DISP1: variants seen among roughly 807,000 people sequenced by gnomAD.
DISP1 encodes the protein protein dispatched homolog 1.
Under a neutral mutation model 37.3 loss-of-function variants are expected in DISP1, and 30 were observed. That is an observed-to-expected ratio of 0.80 (90% CI 0.60 to 1.09). The LOEUF (loss-of-function observed/expected upper bound fraction) is 1.09. Ranked by LOEUF, DISP1 falls within the 50% of genes least tolerant of loss-of-function variation. The pLI is 0.00. For synonymous variants in DISP1, 634 were observed against 690.2 expected (o/e 0.92, Z 1.28); for missense variants, 1,598 against 1,879.5 (o/e 0.85, Z 2.77).
chr1:222,826,951 C>T (rs1426210330), intron 1 of DISP1, among the ~76,000 whole-genome samples: 1 of 152,106 alleles, frequency 6.6e-6, no homozygotes, highest in East Asian at 1.9e-4. Flanking sequence ...TATAACATTC[C>T]CCCATGTTAT....
chr1:222,897,321 G>T (rs1671320780), intron 1 of DISP1, among the ~76,000 whole-genome samples: 1 of 152,098 alleles, frequency 6.6e-6, no homozygotes, highest in Admixed American at 6.5e-5. Flanking sequence ...GATATAGTGG[G>T]GTGATTAACT....
At chr1:222,936,933 ATATATAT>A (rs1268691900) in intron 2 of DISP1, among the ~76,000 whole-genome samples, 1 of 80,082 alleles carries the variant, frequency 1.2e-5, no homozygotes, top group Non-Finnish European at 2.4e-5. Flanking sequence ...ATAATATGTA[ATATATAT>A]TATATATTAC....
intron 1 of DISP1, among the ~76,000 whole-genome samples, chr1:222,841,012 G>A (rs1367577677): frequency 6.6e-6 from 1 of 151,982 alleles, no homozygotes; most frequent in African/African-American, 2.4e-5. Context: ...GATTAATCTT[G>A]GACACAGATT....
rs143218453 is a variant in DISP1 at position 222,943,006 on chromosome 1, G to A, written c.183G>A (p.Thr61=). ...ATGGATGCCTGCAACTTAATGGCACGGTCAAATCATCCTTTCTGCCTTTAG... is the reference window on the plus strand; with the variant it reads ...ATGGATGCCTGCAACTTAATGGCACAGTCAAATCATCCTTTCTGCCTTTAG... ...SPNGCLQLNG[T]VKSSFLPLDN... The change falls in exon 3 of 9, where the codon ACG becomes ACA. Residue 61 remains threonine, a synonymous_variant. Coordinates refer to ENST00000675850, the MANE Select transcript of DISP1 (RefSeq NM_001377229.1). 46 of 1,614,000 alleles carry A rather than the reference G, an allele frequency of 2.9e-5. No individual in the cohort carries two copies. Among genetic ancestry groups the A allele is most frequent in the African/African-American group, 2.1e-4 (16 of 74,880 alleles).
chr1:222,833,299 A>G (rs1196241130), intron 1 of DISP1, among the ~76,000 whole-genome samples: 1 of 152,198 alleles, frequency 6.6e-6, no homozygotes, highest in Non-Finnish European at 1.5e-5. Flanking sequence ...TAGTGTAGCA[A>G]AAGTGTGGGT....
At chr1:222,905,485 G>A (rs1204106495) in intron 1 of DISP1, among the ~76,000 whole-genome samples, 1 of 152,154 alleles carries the variant, frequency 6.6e-6, no homozygotes, top group Non-Finnish European at 1.5e-5. Flanking sequence ...CATCACTGTA[G>A]TTGTCTTCTT....
rs61838466 is a variant in DISP1, at chr1:223,001,132, G to C, written c.988-1253G>C. Among the ~76,000 whole-genome samples the C allele has an allele frequency of 4.1e-3, 625 of 152,184 alleles. 6 individuals carry two copies. Among genetic ancestry groups the C allele is most frequent in the South Asian group, 0.011 (52 of 4,816 alleles). On this transcript the variant is annotated intron_variant, in intron 8 of 8. Coordinates refer to ENST00000675850, the MANE Select transcript of DISP1 (RefSeq NM_001377229.1). ...ACTTTAATCTAGCAAACCAGTGATG[G>C]AACAATTTTTCAATTTTTTATAACA...
intron 1 of DISP1, among the ~76,000 whole-genome samples, chr1:222,909,213 T>A (rs547866960): frequency 6.6e-6 from 1 of 152,290 alleles, no homozygotes; most frequent in Admixed American, 6.5e-5. Flanking sequence ...AATTCTATAA[T>A]TCAATAATGT....
intron 1 of DISP1, among the ~76,000 whole-genome samples, chr1:222,866,088 C>T (rs1669171065): frequency 6.6e-6 from 1 of 152,018 alleles, no homozygotes; most frequent in Non-Finnish European, 1.5e-5. Flanking sequence ...GTTCTCCCTG[C>T]TTACTCTTTT....
intron 1 of DISP1, among the ~76,000 whole-genome samples, chr1:222,867,886 A>T (rs1233752443): frequency 6.6e-6 from 1 of 151,964 alleles, no homozygotes; most frequent in Non-Finnish European, 1.5e-5. Flanking sequence ...GCTTTTCTCT[A>T]CTCCCTAATG....
chr1:222,966,115 A>ACAC (rs1447763038), intron 3 of DISP1, among the ~76,000 whole-genome samples: 1 of 152,210 alleles, frequency 6.6e-6, no homozygotes, highest in Non-Finnish European at 1.5e-5. Flanking sequence ...CTGTAGTTTT[A>ACAC]CACTGTAAAT....
chr1:222,955,779 C>T (rs1675549963), intron 3 of DISP1, among the ~76,000 whole-genome samples: 2 of 152,150 alleles, frequency 1.3e-5, no homozygotes, highest in Admixed American at 1.3e-4. Context: ...GCTTATAAAA[C>T]TGGTGGATGA....
At chr1:222,950,714 A>T (rs977773079) in intron 3 of DISP1, among the ~76,000 whole-genome samples, 1 of 152,174 alleles carries the variant, frequency 6.6e-6, no homozygotes, top group Non-Finnish European at 1.5e-5. Flanking sequence ...TCTGTTCTTT[A>T]TCCTCCAGAG....
chr1:222,974,468 T>C (rs1291105243), intron 3 of DISP1, among the ~76,000 whole-genome samples: 1 of 152,230 alleles, frequency 6.6e-6, no homozygotes, highest in Non-Finnish European at 1.5e-5. Context: ...TTTTTGAACA[T>C]TTATAAAGTA....
At position 222,980,199 on chromosome 1, in the gene DISP1, T is replaced by C. The variant is rs542624733; in HGVS notation, c.510-2881T>C. On this transcript the variant is annotated intron_variant, in intron 3 of 8. Coordinates refer to ENST00000675850, the MANE Select transcript of DISP1 (RefSeq NM_001377229.1). The stretch of plus-strand genomic sequence containing the variant: ...AACAGATTAACATTTATGTTTAAGT[T>C]ACTATTAGATATTTAAGGAATGTAT... Among the ~76,000 whole-genome samples, 75 of 152,354 alleles carry C rather than the reference T, an allele frequency of 4.9e-4. 2 individuals carry two copies. The South Asian group carries it at 0.014, about 28-fold the overall frequency.
At chr1:222,827,458 TACTTG>T (rs1164445252) in intron 1 of DISP1, 3 of 152,232 alleles carry the variant, frequency 2.0e-5, no homozygotes, top group African/African-American at 7.2e-5. Flanking sequence ...TTACTGGGAA[TACTTG>T]ACTTACTAAG....
At chr1:222,892,340 C>T (rs549256001) in intron 1 of DISP1, among the ~76,000 whole-genome samples, 1 of 152,118 alleles carries the variant, frequency 6.6e-6, no homozygotes, top group African/African-American at 2.4e-5. Context: ...GTGGCTTTGC[C>T]GTGTACTAGT....
At chr1:222,857,652 A>C (rs1668628890) in intron 1 of DISP1, among the ~76,000 whole-genome samples, 2 of 152,204 alleles carry the variant, frequency 1.3e-5, no homozygotes, top group Non-Finnish European at 2.9e-5. Context: ...ACAAGCAGAG[A>C]GCCAAATCAT....
intron 7 of DISP1, among the ~76,000 whole-genome samples, chr1:222,994,460 C>G (rs929063185): frequency 2.0e-5 from 3 of 152,186 alleles, no homozygotes; most frequent in Admixed American, 6.5e-5. Context: ...CCCACCATCT[C>G]TCCTCTCTAG....
Sources: allele counts gnomAD v4.1 joint callset (sites outside exome capture counted in the v4.1 genomes callset), GRCh38; gene constraint gnomAD v4.1.1; transcripts MANE v1.5; gene names NCBI Gene and HGNC (gene_info 2026-07-23, HGNC 2026-07-21).